AGBL4: variants seen among roughly 807,000 people sequenced by gnomAD.
The protein encoded by AGBL4 is cytosolic carboxypeptidase 6.
AGBL4 carries 58 observed loss-of-function variants against 66.4 expected under a neutral mutation model. The ratio of observed to expected loss-of-function variants is 0.87; its 90% CI spans 0.71 to 1.09. The LOEUF (loss-of-function observed/expected upper bound fraction) is 1.09, where lower values mean the gene tolerates loss of function less well. AGBL4 is among the 50% of genes least tolerant of loss of function. AGBL4 has a pLI of 0.00. For missense variants in AGBL4, 579 were observed against 631.0 expected (o/e 0.92, Z 0.88); for synonymous variants, 234 against 222.9 (o/e 1.05, Z -0.44).
intron 2 of AGBL4, among the ~76,000 whole-genome samples, chr1:49,751,850 TG>T (rs1325857189): frequency 1.3e-5 from 2 of 152,176 alleles, no homozygotes; most frequent in Admixed American, 6.5e-5. Context: ...CTAGATTTTC[TG>T]GTTTATTTTG....
At chr1:49,592,923 A>G (rs1644779771) in intron 3 of AGBL4, among the ~76,000 whole-genome samples, 1 of 152,206 alleles carries the variant, frequency 6.6e-6, no homozygotes, top group Non-Finnish European at 1.5e-5. Context: ...TTTAACTAGC[A>G]ATTTAATCAA....
intron 1 of AGBL4, among the ~76,000 whole-genome samples, chr1:49,869,645 C>G (rs892140056): frequency 6.6e-6 from 1 of 151,938 alleles, no homozygotes; most frequent in Non-Finnish European, 1.5e-5. Context: ...CTAATGCATG[C>G]TGGGCTTAAT....
At chr1:49,594,752 T>A (rs1219967788) in intron 3 of AGBL4, among the ~76,000 whole-genome samples, 3 of 152,228 alleles carry the variant, frequency 2.0e-5, no homozygotes, top group South Asian at 4.1e-4. Flanking sequence ...ACATTTTCTT[T>A]ATCTAGTCTA....
At chr1:49,422,123 T>C (rs1159151274) in intron 3 of AGBL4, among the ~76,000 whole-genome samples, 1 of 152,188 alleles carries the variant, frequency 6.6e-6, no homozygotes, top group Non-Finnish European at 1.5e-5. Context: ...TAGGGCACTC[T>C]ATAGCCATAG....
rs1372579787 is a variant in AGBL4 at position 48,867,156 on chromosome 1, G to A, written c.634+35C>T. ...AACAAGGCATCATTCAAGAAATAAG[G>A]GAAAAGCAAAGGCAGAAGGGCCACG... On this transcript the variant is annotated intron_variant, in intron 6 of 13. Coordinates refer to ENST00000371839, the MANE Select transcript of AGBL4 (RefSeq NM_032785.4). 6 of 1,609,462 alleles carry A rather than the reference G, an allele frequency of 3.7e-6. No homozygotes were observed. In the Admixed American group the frequency reaches 8.4e-5, roughly 22 times the overall value.
chr1:48,557,852 C>G (rs986732142), intron 11 of AGBL4, among the ~76,000 whole-genome samples: 1 of 152,218 alleles, frequency 6.6e-6, no homozygotes, highest in Non-Finnish European at 1.5e-5. Context: ...AGCCACCAGA[C>G]CTGGGACTAC....
At chr1:48,813,874 G>T (rs184203992) in intron 6 of AGBL4, among the ~76,000 whole-genome samples, 4 of 151,280 alleles carry the variant, frequency 2.6e-5, no homozygotes, top group African/African-American at 9.7e-5. Context: ...GCTCAGGAGA[G>T]GGCTCTGGGA....
intron 1 of AGBL4, among the ~76,000 whole-genome samples, chr1:49,950,086 A>ATATATACACATATATATACACATATGTG (rs1557612089): frequency 2.1e-4 from 27 of 128,062 alleles, no homozygotes; most frequent in Middle Eastern, 4.1e-3. Context: ...ACATATGTGT[A>ATATATACACATATATATACACATATGTG]TATATATACA....
At chr1:49,695,400 A>G (rs1356252336) in intron 3 of AGBL4, among the ~76,000 whole-genome samples, 1 of 152,134 alleles carries the variant, frequency 6.6e-6, no homozygotes, top group Admixed American at 6.6e-5. Flanking sequence ...ACATGTGACT[A>G]AAGCCGCCTA....
At chr1:49,086,499 G>A (rs374816858) in intron 4 of AGBL4, among the ~76,000 whole-genome samples, 6 of 151,948 alleles carry the variant, frequency 3.9e-5, no homozygotes, top group South Asian at 2.1e-4. Context: ...ACAGCCTCCC[G>A]TTGTCCTAGG....
intron 2 of AGBL4, among the ~76,000 whole-genome samples, chr1:49,787,063 C>A (rs1214605980): frequency 1.3e-5 from 2 of 152,150 alleles, no homozygotes; most frequent in Non-Finnish European, 1.5e-5. Context: ...CTCCCTAAGT[C>A]CCCCCTGTAA....
intron 6 of AGBL4, among the ~76,000 whole-genome samples, chr1:48,752,885 G>T (rs1651966403): frequency 6.6e-6 from 1 of 152,078 alleles, no homozygotes; most frequent in Non-Finnish European, 1.5e-5. Flanking sequence ...GAGTAGCTGG[G>T]ACTACAGGCA....
At chr1:49,146,436 A>AG (rs1337808194) in intron 4 of AGBL4, among the ~76,000 whole-genome samples, 3 of 152,196 alleles carry the variant, frequency 2.0e-5, no homozygotes, top group Non-Finnish European at 4.4e-5. Flanking sequence ...AAAAATAAAA[A>AG]GGTATCTAGC....
chr1:48,733,410 C>A (rs892524932), intron 6 of AGBL4, among the ~76,000 whole-genome samples: 1 of 151,954 alleles, frequency 6.6e-6, no homozygotes, highest in African/African-American at 2.4e-5. Context: ...TGTGATGCCT[C>A]AAAACTGTGG....
At chr1:49,630,986 C>T (rs1645559385) in intron 3 of AGBL4, among the ~76,000 whole-genome samples, 2 of 152,090 alleles carry the variant, frequency 1.3e-5, no homozygotes, top group Admixed American at 1.3e-4. Context: ...GAGAGTAGCT[C>T]CTCAAAGGGG....
At chr1:49,345,143 T>C (rs1297716336) in intron 3 of AGBL4, among the ~76,000 whole-genome samples, 1 of 152,204 alleles carries the variant, frequency 6.6e-6, no homozygotes, top group East Asian at 1.9e-4. Context: ...CATTGTCAAA[T>C]ATAAAACACT....
intron 1 of AGBL4, among the ~76,000 whole-genome samples, chr1:49,861,685 A>G (rs1470618745): frequency 6.6e-6 from 1 of 152,210 alleles, no homozygotes; most frequent in Admixed American, 6.5e-5. Context: ...GGTAGCCCAG[A>G]AAACAGAGAG....
intron 2 of AGBL4, among the ~76,000 whole-genome samples, chr1:49,804,831 G>A (rs959640903): frequency 1.3e-5 from 2 of 152,130 alleles, no homozygotes; most frequent in Non-Finnish European, 2.9e-5. Context: ...TCCTGGTGAC[G>A]AAGTCAATCT....
intron 4 of AGBL4, among the ~76,000 whole-genome samples, chr1:49,085,816 G>A (rs1046583589): frequency 2.6e-5 from 4 of 152,116 alleles, no homozygotes; most frequent in African/African-American, 9.7e-5. Context: ...TAGCTCCCCT[G>A]TTTCCCCCTA....
Sources: allele counts gnomAD v4.1 joint callset (sites outside exome capture counted in the v4.1 genomes callset), GRCh38; gene constraint gnomAD v4.1.1; transcripts MANE v1.5; gene names NCBI Gene and HGNC (gene_info 2026-07-23, HGNC 2026-07-21).